Variants in RORA observed in about 807,000 individuals in gnomAD.
RORA encodes the protein RAR related orphan receptor A, also known as nuclear receptor ROR-alpha.
RORA carries 7 observed loss-of-function variants against 69.5 expected under a neutral mutation model. The observed-to-expected ratio is 0.10, with a 90% CI of 0.06 to 0.19. The LOEUF is 0.19. RORA is among the 10% of genes least tolerant of loss of function. RORA has a pLI of 1.00. For synonymous variants in RORA, 261 were observed against 240.8 expected, an observed-to-expected ratio of 1.08 and a Z score of -0.78; for missense variants, 457 against 663.0, an observed-to-expected ratio of 0.69 and a Z score of 3.41.
chr15:61,059,982 GGAAGAGGAAGAAGAAGAAGAAGAA>G (rs1480667673), intron 1 of RORA, among the ~76,000 whole-genome samples: 41 of 77,484 alleles, frequency 5.3e-4, no homozygotes, highest in South Asian at 2.1e-3. Flanking sequence ...AAGAGGAAGA[GGAAGAGGAAGAAGAAGAAGAAGAA>G]GAAGAAGAAG....
chr15:60,691,529 C>A (rs1278836807), intron 1 of RORA, among the ~76,000 whole-genome samples: 1 of 152,128 alleles, frequency 6.6e-6, no homozygotes, highest in Admixed American at 6.5e-5. Flanking sequence ...CTCCAAAGCT[C>A]CTGGAAGTGT....
chr15:60,752,144 A>G (rs2071732722), intron 1 of RORA, among the ~76,000 whole-genome samples: 1 of 152,130 alleles, frequency 6.6e-6, no homozygotes, highest in Non-Finnish European at 1.5e-5. Flanking sequence ...AGAATAAAGA[A>G]GAGAGAGGGC....
chr15:60,707,817 C>T (rs1408029390), intron 1 of RORA, among the ~76,000 whole-genome samples: 1 of 152,216 alleles, frequency 6.6e-6, no homozygotes, highest in Non-Finnish European at 1.5e-5. Context: ...GGCTGGTACA[C>T]TGGCCATCCT....
intron 3 of RORA, among the ~76,000 whole-genome samples, chr15:60,527,201 T>TA (rs926423542): frequency 1.3e-5 from 2 of 152,208 alleles, no homozygotes; most frequent in African/African-American, 4.8e-5. Context: ...AACTTGCAGT[T>TA]AAAATTGTGT....
At chr15:61,192,428 G>A (rs945827977) in intron 1 of RORA, among the ~76,000 whole-genome samples, 4 of 152,038 alleles carry the variant, frequency 2.6e-5, no homozygotes, top group South Asian at 2.1e-4. Context: ...TCTACCATCC[G>A]CACCCAAGAC....
rs1004565222 is a variant in RORA at position 61,131,902 on chromosome 15, G to GA, written c.166+97150dup. 3.3e-5 allele frequency among the ~76,000 whole-genome samples: 5 copies of GA among 152,132 alleles called. No individual in the cohort carries two copies. Among genetic ancestry groups the GA allele is most frequent in the African/African-American group, 1.2e-4 (5 of 41,416 alleles). On this transcript the variant is annotated intron_variant, in intron 1 of 10. Coordinates refer to ENST00000335670, the MANE Select transcript of RORA (RefSeq NM_134261.3). The surrounding 1 kb of genome is among the most constrained non-coding windows in gnomAD (Gnocchi z 4.2). Reference sequence around the variant, plus strand: ...TGGCAAATAGGAAAAACTTCACTTGGAAAAAACAGCACTGAATTGGAACTG... The same window carrying GA: ...TGGCAAATAGGAAAAACTTCACTTGGAAAAAAACAGCACTGAATTGGAACTG...
intron 2 of RORA, among the ~76,000 whole-genome samples, chr15:60,593,771 C>T (rs747304866): frequency 1.3e-5 from 2 of 152,174 alleles, no homozygotes; most frequent in Non-Finnish European, 2.9e-5. Flanking sequence ...CTTAAAATAT[C>T]AGATGGCTAT....
intron 9 of RORA, among the ~76,000 whole-genome samples, 157 bp downstream of exon 9, chr15:60,500,802 G>A (rs762129682): frequency 6.6e-6 from 1 of 152,168 alleles, no homozygotes; most frequent in African/African-American, 2.4e-5. Flanking sequence ...GGAAAAGAGA[G>A]GGTGTTATTT....
chr15:60,672,237 G>T (rs2070484466), intron 2 of RORA, among the ~76,000 whole-genome samples: 1 of 152,156 alleles, frequency 6.6e-6, no homozygotes, highest in South Asian at 2.1e-4. Flanking sequence ...TAGTTGTAAG[G>T]TAAAAGGAAA....
intron 1 of RORA, among the ~76,000 whole-genome samples, chr15:61,194,543 G>GAAAAA (rs10670983): frequency 1.4e-5 from 2 of 143,460 alleles, no homozygotes; most frequent in Non-Finnish European, 1.5e-5. Context: ...AGCCTAGGAG[G>GAAAAA]AAAAAAAAAA....
chr15:61,101,539 G>T (rs2140751616), intron 1 of RORA, among the ~76,000 whole-genome samples: 2 of 152,218 alleles, frequency 1.3e-5, no homozygotes, highest in South Asian at 4.1e-4. Context: ...AAACTGGAAT[G>T]ATCCTAGAAA....
At chr15:61,189,229 G>A (rs2079772958) in intron 1 of RORA, among the ~76,000 whole-genome samples, 1 of 152,158 alleles carries the variant, frequency 6.6e-6, no homozygotes, top group East Asian at 1.9e-4. Context: ...ATTCATGATA[G>A]ACATTATAAA....
At chr15:61,058,504 C>A (rs1304257092) in intron 1 of RORA, among the ~76,000 whole-genome samples, 2 of 152,030 alleles carry the variant, frequency 1.3e-5, no homozygotes, top group Non-Finnish European at 2.9e-5. Flanking sequence ...GTATTAAGGC[C>A]CTGGGTTCAG....
At chr15:60,673,623 T>G (rs2070508571) in intron 2 of RORA, among the ~76,000 whole-genome samples, 1 of 152,240 alleles carries the variant, frequency 6.6e-6, no homozygotes, top group African/African-American at 2.4e-5. Context: ...TAGTTTTCTT[T>G]TCCTCTCCCA....
At chr15:61,065,851 A>C (rs968163078) in intron 1 of RORA, among the ~76,000 whole-genome samples, 1 of 152,194 alleles carries the variant, frequency 6.6e-6, no homozygotes, top group Admixed American at 6.5e-5. Flanking sequence ...CTACTCCTTT[A>C]ATCTGACTAC....
At chr15:61,100,056 C>G (rs1051510513) in intron 1 of RORA, among the ~76,000 whole-genome samples, 8 of 151,128 alleles carry the variant, frequency 5.3e-5, no homozygotes, top group African/African-American at 1.9e-4. Context: ...TCAAAAGAGC[C>G]AGAAATTGTC....
At chr15:60,665,761 A>G (rs1024173435) in intron 2 of RORA, among the ~76,000 whole-genome samples, 2 of 151,726 alleles carry the variant, frequency 1.3e-5, no homozygotes, top group African/African-American at 4.8e-5. Flanking sequence ...TGCAACCTCC[A>G]TCTCCCGGGT....
chr15:61,225,964 C>A (rs988430651), intron 1 of RORA, among the ~76,000 whole-genome samples: 2 of 152,110 alleles, frequency 1.3e-5, no homozygotes, highest in African/African-American at 4.8e-5. Context: ...GGAAGAGTTT[C>A]ATTAAAACTG....
intron 1 of RORA, among the ~76,000 whole-genome samples, chr15:60,855,680 G>T (rs1482403345): frequency 6.6e-6 from 1 of 152,122 alleles, no homozygotes; most frequent in African/African-American, 2.4e-5. Context: ...TTTTGCGGTG[G>T]TGCAATCTCA....
Sources: allele counts gnomAD v4.1 joint callset (sites outside exome capture counted in the v4.1 genomes callset), GRCh38; gene constraint gnomAD v4.1.1; non-coding constraint Gnocchi (gnomAD v3.1); transcripts MANE v1.5; gene names NCBI Gene and HGNC (gene_info 2026-07-23, HGNC 2026-07-21).